The following TRPM7 variants were observed in gnomAD, a reference collection of about 807,000 sequenced individuals.
The protein encoded by TRPM7 is transient receptor potential cation channel subfamily M member 7, also known as LTRPC ion channel family member 7.
A neutral mutation model predicts 229.7 loss-of-function variants in TRPM7; 134 were observed. The ratio of observed to expected loss-of-function variants is 0.58; its 90% CI spans 0.51 to 0.67. TRPM7 has a LOEUF of 0.67. Ranked by LOEUF, TRPM7 falls within the 30% of genes least tolerant of loss-of-function variation. The probability of loss-of-function intolerance (pLI) is 0.00; values close to 1 mark genes in which losing one functional copy is unlikely to be tolerated. For synonymous variants in TRPM7, 699 were observed against 715.2 expected (o/e 0.98, Z 0.36); for missense variants, 1,901 against 2,210.0 (o/e 0.86, Z 2.80).
At chr15:50,633,096 T>C (rs2060786223) in intron 8 of TRPM7, 104 bp from the exon 9 acceptor site, 1 of 947,104 alleles carries the variant, frequency 1.1e-6, no homozygotes. Context: ...AATAATGGAT[T>C]AATATTACAT....
chr15:50,603,775 AACTCT>A (rs1278629889), intron 21 of TRPM7, among the ~76,000 whole-genome samples: 1 of 152,170 alleles, frequency 6.6e-6, no homozygotes, highest in African/African-American at 2.4e-5. Context: ...GAGTATAAGA[AACTCT>A]AAGAATAGCT....
Position 50,613,714 on chromosome 15 carries a change from C to A in TRPM7, c.1763G>T (p.Arg588Leu). 2.5e-6 allele frequency: 4 copies of A among 1,575,366 alleles called. No individual in the cohort carries two copies. Among genetic ancestry groups the A allele is most frequent in the Non-Finnish European group, 3.4e-6 (4 of 1,165,148 alleles). ...ATATTTAAATAAATTTACCTTTGGT[C>A]GGTAGGGCTGTGCTGTCTTAATGAA... Reference protein sequence around the residue: ...NHFIKTAQPYRPKIDTVMEEG... With the variant: ...NHFIKTAQPYLPKIDTVMEEG... The change falls in exon 15 of 39, where the codon CGA becomes CTA. Residue 588 changes from arginine (R) to leucine (L), a missense_variant. Physicochemically the swap from Arg to Leu is moderately radical, Grantham distance 102. Transcript: ENST00000646667.
intron 36 of TRPM7, among the ~76,000 whole-genome samples, chr15:50,573,207 T>G (rs890991829): frequency 4.6e-5 from 7 of 152,210 alleles, no homozygotes; most frequent in Non-Finnish European, 1.5e-5. Context: ...TCCCCTTGAA[T>G]GTGGGCTACC....
intron 11 of TRPM7, among the ~76,000 whole-genome samples, chr15:50,625,918 T>C (rs2060545183): frequency 6.6e-6 from 1 of 150,550 alleles, no homozygotes; most frequent in Non-Finnish European, 1.5e-5. Flanking sequence ...TCGTACTATT[T>C]TACTTAAGAT....
In TRPM7 at chr15:50,575,882, A is replaced by G. The variant is rs2054108234; in HGVS notation, c.4656T>C (p.Asn1552=). The G allele has an allele frequency of 6.2e-7, 1 of 1,613,316 alleles. No homozygotes were observed. The highest frequency in any genetic ancestry group is 1.3e-5 in the African/African-American group (1 of 74,902). The change falls in exon 32 of 39, where the codon AAT becomes AAC. Residue 1552 remains asparagine, a synonymous_variant. Coordinates refer to ENST00000646667, the MANE Select transcript of TRPM7 (RefSeq NM_017672.6). ...TSPFKPAMDT[N]YYYSAVERNN... is the part of the protein sequence containing the mutation. ...AATATTACTGACCTGAATAATAGTA[A>G]TTTGTATCCATAGCTGGCTTAAATG... is the stretch of plus-strand genomic sequence containing the variant.
chr15:50,626,761 C>CT (rs989121756), intron 11 of TRPM7, among the ~76,000 whole-genome samples: 1 of 151,396 alleles, frequency 6.6e-6, no homozygotes, highest in African/African-American at 2.4e-5. Context: ...TAAATAAACT[C>CT]TTTTTTATTG....
chr15:50,681,841 T>C (rs1162438716), intron 1 of TRPM7, among the ~76,000 whole-genome samples: 1 of 152,124 alleles, frequency 6.6e-6, no homozygotes, highest in Admixed American at 6.6e-5. Context: ...TTAGGTCAAG[T>C]AGGGAAAAGA....
intron 12 of TRPM7, among the ~76,000 whole-genome samples, chr15:50,621,908 T>G (rs2060418265): frequency 6.6e-6 from 1 of 152,074 alleles, no homozygotes; most frequent in Non-Finnish European, 1.5e-5. Flanking sequence ...TGGGCATCTA[T>G]AATCCCAGCA....
intron 31 of TRPM7, among the ~76,000 whole-genome samples, chr15:50,577,366 G>A (rs915472016): frequency 1.3e-5 from 2 of 152,070 alleles, no homozygotes; most frequent in African/African-American, 4.8e-5. Flanking sequence ...TGGCCAACGT[G>A]GTGAAATCTC....
chr15:50,583,408 C>T (rs757336321), intron 28 of TRPM7, among the ~76,000 whole-genome samples: 2 of 152,136 alleles, frequency 1.3e-5, no homozygotes, highest in South Asian at 4.1e-4. Flanking sequence ...TTCTCCCCCT[C>T]CTGTTCCCAA....
Position 50,612,480 on chromosome 15 carries a change from G to A in TRPM7, c.2051+69C>T, listed in dbSNP as rs1467606578. On this transcript the variant is annotated intron_variant, in intron 16 of 38. Transcript: ENST00000646667. ...ACATCACCATTAAGTACGTGGCACT[G>A]TAACAGCCACTCAAACAATACCTAC... 3.5e-6 allele frequency: 5 copies of A among 1,428,802 alleles called. No individual in the cohort carries two copies. The South Asian group carries it at 3.8e-5, about 11-fold the overall frequency. The allele number at this position is 1,428,802 out of a possible 1,614,324, so 88.5% of individuals were successfully genotyped here.
At chr15:50,612,399 AAT>A (rs1203879974) in intron 16 of TRPM7, 148 bp downstream of exon 16, 5 of 529,392 alleles carry the variant, frequency 9.4e-6, no homozygotes, top group Non-Finnish European at 1.5e-5. Context: ...TAATTAAAAA[AAT>A]ATATACTTAT....
chr15:50,671,001 T>C (rs189690291), intron 1 of TRPM7, among the ~76,000 whole-genome samples: 1 of 152,144 alleles, frequency 6.6e-6, no homozygotes, highest in Non-Finnish European at 1.5e-5. Context: ...CTACTATACA[T>C]TGCGGAATGG....
At position 50,608,531 on chromosome 15, in the gene TRPM7, A is replaced by C. The variant is rs79895209; in HGVS notation, c.2580+1050T>G. Among the ~76,000 whole-genome samples, 400 of 152,336 alleles carry C rather than the reference A, an allele frequency of 2.6e-3. 1 individual carries two copies. Among genetic ancestry groups the C allele is most frequent in the African/African-American group, 9.2e-3 (384 of 41,580 alleles). The stretch of plus-strand genomic sequence containing the variant: ...TAACGCAGCCATTCACATGAATGCA[A>C]ATGTAAGCAAACTGCCCTATTTTCA... On this transcript the variant is annotated intron_variant, in intron 19 of 38. Transcript: ENST00000646667.
chr15:50,663,928 A>C (rs2061804333), intron 1 of TRPM7, among the ~76,000 whole-genome samples: 1 of 152,024 alleles, frequency 6.6e-6, no homozygotes, highest in South Asian at 2.1e-4. Context: ...AGGCCACTGC[A>C]CTCCAGCCTG....
rs182061479 is a variant in TRPM7, at chr15:50,679,360, C to T, written c.3+7171G>A. The stretch of plus-strand genomic sequence containing the variant: ...AAAAAAACAAAACAGAAAACTTGGA[C>T]GCTTGGACGTTCACACTGCGAGTAA... On this transcript the variant is annotated intron_variant, in intron 1 of 38. Transcript: ENST00000646667. Among the ~76,000 whole-genome samples, 90 of 149,794 alleles carry T rather than the reference C, an allele frequency of 6.0e-4. 1 individual carries two copies. The highest frequency in any genetic ancestry group is 1.5e-3 in the African/African-American group (62 of 40,626).
intron 2 of TRPM7, among the ~76,000 whole-genome samples, chr15:50,660,085 T>C (rs1033868761): frequency 3.9e-5 from 6 of 152,234 alleles, no homozygotes; most frequent in African/African-American, 1.4e-4. Flanking sequence ...TCTTTATGAA[T>C]AGCCATGTGA....
At chr15:50,633,167 G>T (rs945301129) in intron 8 of TRPM7, among the ~76,000 whole-genome samples, 175 bp from the exon 9 acceptor site, 2 of 152,090 alleles carry the variant, frequency 1.3e-5, no homozygotes, top group Non-Finnish European at 2.9e-5. Flanking sequence ...ATGTTAGAAG[G>T]AAAATAAATG....
chr15:50,608,052 CAAAAA>C (rs570861548), intron 19 of TRPM7, among the ~76,000 whole-genome samples: 5 of 76,272 alleles, frequency 6.6e-5, no homozygotes, highest in African/African-American at 3.0e-4. Flanking sequence ...GAGACTCTGT[CAAAAA>C]AAAAAAAAAA....
Sources: gnomAD v4.1 joint callset for allele counts (sites outside exome capture counted in the v4.1 genomes callset) on GRCh38, gnomAD v4.1.1 for gene constraint, MANE v1.5 for transcripts, NCBI Gene and HGNC (gene_info 2026-07-23, HGNC 2026-07-21) for gene names.